Variants in HDAC5 observed in about 807,000 individuals in gnomAD.
The protein encoded by HDAC5 is antigen NY-CO-9.
HDAC5 carries 25 observed loss-of-function variants against 133.3 expected under a neutral mutation model. That is an observed-to-expected ratio of 0.19 (90% confidence interval 0.14 to 0.26). The LOEUF (loss-of-function observed/expected upper bound fraction) is 0.26. Among genes scored for constraint, HDAC5 ranks in the 10% least tolerant of loss-of-function variants. HDAC5 has a pLI of 1.00. For missense variants in HDAC5, 1,041 were observed against 1,460.5 expected, an observed-to-expected ratio of 0.71 and a Z score of 4.68; for synonymous variants, 589 against 610.8, an observed-to-expected ratio of 0.96 and a Z score of 0.53.
intron 3 of HDAC5, among the ~76,000 whole-genome samples, chr17:44,107,087 G>T (rs1634693): frequency 6.6e-6 from 1 of 152,064 alleles, no homozygotes; most frequent in Non-Finnish European, 1.5e-5. Context: ...TAGAACTACA[G>T]GTGCATGCTA....
Position 44,079,168 on chromosome 17 carries a change from A to G in HDAC5, c.3054T>C (p.Cys1018=), listed in dbSNP as rs2050260554. The change falls in exon 24 of 27, where the codon TGT becomes TGC. Residue 1018 remains cysteine (C), a synonymous_variant. Coordinates refer to ENST00000682912, the MANE Select transcript of HDAC5 (RefSeq NM_005474.5). ...LTAICDASEA[C]VSALLSVELQ... is the part of the protein sequence containing the mutation. ...CCTCTACACTGAGCAGAGCCGAGAC[A>G]CAAGCCTCAGAGGCATCACAGATGG... The G allele has an allele frequency of 1.9e-6, 3 of 1,613,292 alleles. No individual in the cohort carries two copies. Among genetic ancestry groups the G allele is most frequent in the Non-Finnish European group, 2.5e-6 (3 of 1,179,406 alleles).
At chr17:44,088,121 G>A (rs1344015454) in intron 12 of HDAC5, among the ~76,000 whole-genome samples, 1 of 152,218 alleles carries the variant, frequency 6.6e-6, no homozygotes, top group Non-Finnish European at 1.5e-5. Context: ...CAATTCTCCT[G>A]CCTCAGCCTC....
chr17:44,122,961 GAAGT>G (rs1467021690), intron 1 of HDAC5, among the ~76,000 whole-genome samples: 1 of 152,188 alleles, frequency 6.6e-6, no homozygotes, highest in East Asian at 1.9e-4. Flanking sequence ...ATGGGAGAGA[GAAGT>G]AAGGTGGACT....
rs748150021 is a variant in HDAC5 at position 44,082,597 on chromosome 17, G to A, written c.2595C>T (p.Leu865=). Residue 865 remains leucine, a synonymous_variant, in exon 20 of 27, where the codon CTC becomes CTT. Coordinates refer to ENST00000682912, the MANE Select transcript of HDAC5 (RefSeq NM_005474.5). ...LQQKLNVGKV[L]IVDWDIHHGN... ...GCTCACTGCCTACCCAGTCCACGAT[G>A]AGGACCTTGCCCACGTTCAACTTCT... 1 of 1,613,550 alleles carries A rather than the reference G, an allele frequency of 6.2e-7. No individual in the cohort carries two copies. The highest frequency in any genetic ancestry group is 8.5e-7 in the Non-Finnish European group (1 of 1,179,456).
intron 3 of HDAC5, among the ~76,000 whole-genome samples, chr17:44,096,834 G>A (rs2051304601): frequency 6.6e-6 from 1 of 151,474 alleles, no homozygotes; most frequent in African/African-American, 2.4e-5. Flanking sequence ...CAATTCTCCT[G>A]CCTCAGCCTC....
chr17:44,078,450 G>C (rs751168256), intron 26 of HDAC5, 35 bp from the exon 27 acceptor site: 1 of 1,568,996 alleles, frequency 6.4e-7, no homozygotes. Flanking sequence ...TATTGAGTGG[G>C]GCGCACCAGC....
At chr17:44,081,616 T>G (rs1381616402) in intron 20 of HDAC5, 1 of 148,242 alleles carries the variant, frequency 6.7e-6, no homozygotes, top group Non-Finnish European at 1.5e-5. Flanking sequence ...TCTCACTCTG[T>G]CATCGAGGCT....
intron 20 of HDAC5, 118 bp downstream of exon 20, chr17:44,082,467 C>G: frequency 1.3e-6 from 1 of 773,670 alleles, no homozygotes; most frequent in Non-Finnish European, 2.2e-6. Context: ...CACCCAGCAC[C>G]CGAGGATGAG....
intron 3 of HDAC5, among the ~76,000 whole-genome samples, chr17:44,102,042 G>A (rs966789201): frequency 1.3e-5 from 2 of 152,178 alleles, no homozygotes; most frequent in African/African-American, 2.4e-5. Context: ...ACAACCCCAG[G>A]AGGCCCCCGA....
At chr17:44,086,817 T>C (rs2050672909) in intron 13 of HDAC5, 80 bp from the exon 14 acceptor site, 1 of 1,114,758 alleles carries the variant, frequency 9.0e-7, no homozygotes, top group South Asian at 4.6e-5. Flanking sequence ...GGGCCTCCAG[T>C]GGGGCCCCAA....
rs1398948628 is a variant in HDAC5 at position 44,087,656 on chromosome 17, G to A, written c.1640C>T (p.Thr547Ile). ...CTCCTCCTCTGTCTCCTCAGGGTGG[G>A]TGGTGGGCTGCCTGGGCAGCTCCCC... ...KTGELPRQPT[T>I]HPEETEEELT... The change falls in exon 13 of 27, where the codon ACC becomes ATC. Residue 547 changes from threonine (T) to isoleucine (I), a missense_variant. Thr to Ile is a moderately conservative substitution (Grantham distance 89). Transcript: ENST00000682912. 2 of 1,609,476 alleles carry A rather than the reference G, an allele frequency of 1.2e-6. No individual in the cohort carries two copies. Among genetic ancestry groups the A allele is most frequent in the African/African-American group, 1.3e-5 (1 of 75,002 alleles).
intron 3 of HDAC5, among the ~76,000 whole-genome samples, chr17:44,103,900 G>T (rs1199662159): frequency 6.6e-6 from 1 of 151,732 alleles, no homozygotes; most frequent in East Asian, 2.0e-4. Flanking sequence ...TAGAGATGGG[G>T]TTTCACCATG....
intron 16 of HDAC5, 74 bp from the exon 17 acceptor site, chr17:44,083,928 A>G: frequency 8.6e-7 from 1 of 1,166,974 alleles, no homozygotes; most frequent in East Asian, 2.3e-5. Context: ...GTTCGAGACC[A>G]GCCTGGACAA....
rs1426189983 is a variant in HDAC5, at chr17:44,077,187, T to C, written c.*1189A>G. Reference sequence around the variant, plus strand: ...CCTAGGAGCCACTTCCCATCTTTGGTTTCCTACAGGCTGGATGGCATCCCC... The same window carrying C: ...CCTAGGAGCCACTTCCCATCTTTGGCTTCCTACAGGCTGGATGGCATCCCC... On this transcript the variant is annotated 3_prime_UTR_variant, in exon 27 of 27. Transcript: ENST00000682912. The C allele has an allele frequency of 6.6e-6, 1 of 152,668 alleles. No individual in the cohort carries two copies. Among genetic ancestry groups the C allele is most frequent in the Non-Finnish European group, 1.5e-5 (1 of 68,124 alleles). The allele number at this position is 152,668 out of a possible 1,614,324, so 9.5% of individuals were successfully genotyped here.
At chr17:44,123,227 G>A (rs922449669) in intron 1 of HDAC5, 24 of 274,384 alleles carry the variant, frequency 8.7e-5, no homozygotes, top group African/African-American at 4.9e-4. Context: ...GGGGCGCAGG[G>A]CGCGAGAAGG....
At position 44,092,585 on chromosome 17, in the gene HDAC5, A is replaced by G. The variant is rs991016191; in HGVS notation, c.773-58T>C. ...GCACAGCAGCACACATCTGCAGCTG[A>G]GCCCACTGGGGTCAGGGCTGACACT... On this transcript the variant is annotated intron_variant, in intron 7 of 26. Coordinates refer to ENST00000682912, the MANE Select transcript of HDAC5 (RefSeq NM_005474.5). The G allele has an allele frequency of 8.2e-6, 13 of 1,575,892 alleles. No individual in the cohort carries two copies. In the African/African-American group the frequency reaches 1.5e-4, roughly 18 times the overall value.
intron 20 of HDAC5, 79 bp from the exon 21 acceptor site, chr17:44,080,961 C>G: frequency 1.9e-6 from 3 of 1,581,796 alleles, no homozygotes; most frequent in Non-Finnish European, 2.6e-6. Context: ...CAGCTGAGCA[C>G]TGTAGCTCAT....
chr17:44,099,706 C>G (rs2051473446), intron 3 of HDAC5, among the ~76,000 whole-genome samples: 1 of 152,152 alleles, frequency 6.6e-6, no homozygotes. Flanking sequence ...GATCTCCTGA[C>G]CTCGTGATCT....
chr17:44,099,854 G>A (rs116559241), intron 3 of HDAC5, among the ~76,000 whole-genome samples: 47 of 152,260 alleles, frequency 3.1e-4, no homozygotes, highest in African/African-American at 1.0e-3. Context: ...CCCAGCTCAC[G>A]AGCACAAGTG....
Sources: gnomAD v4.1 joint callset for allele counts (sites outside exome capture counted in the v4.1 genomes callset) on GRCh38, gnomAD v4.1.1 for gene constraint, MANE v1.5 for transcripts, NCBI Gene and HGNC (gene_info 2026-07-23, HGNC 2026-07-21) for gene names.